JAK2: variants seen among roughly 807,000 people sequenced by gnomAD.
JAK2 encodes the protein tyrosine-protein kinase JAK2.
In JAK2, 86 loss-of-function variants were observed where a neutral mutation model predicts 139.3. The observed-to-expected ratio is 0.62, with a 90% confidence interval of 0.52 to 0.74. The LOEUF (loss-of-function observed/expected upper bound fraction) is 0.74, where lower values mean the gene tolerates loss of function less well. Ranked by LOEUF, JAK2 falls within the 30% of genes least tolerant of loss-of-function variation. JAK2 has a pLI of 0.00. For missense variants in JAK2, 1,421 were observed against 1,360.3 expected, an observed-to-expected ratio of 1.04 and a Z score of -0.70; for synonymous variants, 490 against 437.7, an observed-to-expected ratio of 1.12 and a Z score of -1.49.
At chr9:4,986,798 C>T (rs916648894) in intron 2 of JAK2, among the ~76,000 whole-genome samples, 2 of 152,060 alleles carry the variant, frequency 1.3e-5, no homozygotes, top group African/African-American at 4.8e-5. Context: ...ATTCACACAG[C>T]CACTAAGTCA....
At chr9:5,032,168 G>C (rs1823207564) in intron 4 of JAK2, among the ~76,000 whole-genome samples, 1 of 152,226 alleles carries the variant, frequency 6.6e-6, no homozygotes, top group Non-Finnish European at 1.5e-5. Context: ...AGCAGTCTGA[G>C]ATCAAACTGC....
chr9:5,061,368 C>A (rs1818158944), intron 8 of JAK2, among the ~76,000 whole-genome samples: 1 of 152,212 alleles, frequency 6.6e-6, no homozygotes, highest in African/African-American at 2.4e-5. Flanking sequence ...ATTTGAAAAT[C>A]TGTTTGTTAG....
chr9:4,999,884 C>G (rs1351437761), intron 2 of JAK2, among the ~76,000 whole-genome samples: 1 of 152,208 alleles, frequency 6.6e-6, no homozygotes, highest in Non-Finnish European at 1.5e-5. Flanking sequence ...GCTACTACTC[C>G]TGTCCTTTTT....
chr9:5,005,413 C>A (rs1433532646), intron 2 of JAK2, among the ~76,000 whole-genome samples: 1 of 151,958 alleles, frequency 6.6e-6, no homozygotes, highest in Non-Finnish European at 1.5e-5. Flanking sequence ...TATAGGTTGT[C>A]CCTTCACTCT....
chr9:5,122,029 G>C (rs1823656015), intron 22 of JAK2, among the ~76,000 whole-genome samples: 1 of 152,236 alleles, frequency 6.6e-6, no homozygotes, highest in Admixed American at 6.5e-5. Context: ...TATAGCATTA[G>C]GATGTTTAAT....
chr9:5,111,459 C>T (rs1012869696), intron 22 of JAK2: 5 of 385,554 alleles, frequency 1.3e-5, no homozygotes, highest in African/African-American at 2.1e-5. Flanking sequence ...CCATCCTCGG[C>T]GTACCTGCCC....
chr9:4,997,418 C>A (rs1372693644), intron 2 of JAK2, among the ~76,000 whole-genome samples: 1 of 152,190 alleles, frequency 6.6e-6, no homozygotes, highest in Non-Finnish European at 1.5e-5. Context: ...AGGAATATCA[C>A]ATTTCAAGAG....
intron 10 of JAK2, 22 bp from the exon 11 acceptor site, chr9:5,069,000 C>T: frequency 7.1e-7 from 1 of 1,417,756 alleles, no homozygotes; most frequent in Admixed American, 2.0e-5. Flanking sequence ...CCCTCCCTTT[C>T]TTTATAATTA....
At chr9:5,004,459 C>T (rs978115293) in intron 2 of JAK2, among the ~76,000 whole-genome samples, 27 of 152,072 alleles carry the variant, frequency 1.8e-4, no homozygotes, top group African/African-American at 6.5e-4. Context: ...TTGTAAATGA[C>T]AAGATTTTCT....
intron 7 of JAK2, among the ~76,000 whole-genome samples, chr9:5,055,428 G>A (rs985517590): frequency 1.3e-5 from 2 of 151,944 alleles, no homozygotes; most frequent in Non-Finnish European, 2.9e-5. Flanking sequence ...TTGAATTGAA[G>A]AGTGCCATAG....
chr9:5,049,800 C>T (rs1817286368), intron 5 of JAK2, among the ~76,000 whole-genome samples: 1 of 152,150 alleles, frequency 6.6e-6, no homozygotes, highest in South Asian at 2.1e-4. Flanking sequence ...CTAGTATATG[C>T]CTAGTCTGTA....
intron 5 of JAK2, among the ~76,000 whole-genome samples, chr9:5,049,075 A>G (rs1817232752): frequency 6.6e-6 from 1 of 152,198 alleles, no homozygotes; most frequent in South Asian, 2.1e-4. Context: ...GACAATATAT[A>G]GTTAATAAAG....
chr9:5,041,388 G>C (rs1483647951), intron 4 of JAK2: 3 of 629,042 alleles, frequency 4.8e-6, no homozygotes, highest in Non-Finnish European at 6.0e-6. Context: ...AAGGAGCAGA[G>C]CCACTGCAAC....
At chr9:5,115,966 T>C (rs1347770912) in intron 22 of JAK2, among the ~76,000 whole-genome samples, 1 of 152,038 alleles carries the variant, frequency 6.6e-6, no homozygotes, top group Non-Finnish European at 1.5e-5. Flanking sequence ...AGTTGATGGG[T>C]TGATGGGTGC....
At chr9:5,085,922 C>G (rs771414297) in intron 19 of JAK2, 2 of 1,059,074 alleles carry the variant, frequency 1.9e-6, no homozygotes, top group Non-Finnish European at 3.0e-6. Context: ...ACAGACCTTT[C>G]AAGTCTCTCC....
rs1276089019 is a variant in JAK2, at chr9:5,090,740, G to T, written c.2888G>T (p.Gly963Val). 5 of 1,600,266 alleles carry T rather than the reference G, an allele frequency of 3.1e-6. No individual in the cohort carries two copies. Among genetic ancestry groups the T allele is most frequent in the African/African-American group, 1.4e-5 (1 of 74,010 alleles). The change falls in exon 22 of 25, where the codon GGT becomes GTT. Residue 963 changes from glycine to valine, a missense_variant and splice_region_variant. Gly to Val is a moderately radical substitution (Grantham distance 109, BLOSUM62 -3). Coordinates refer to ENST00000381652, the MANE Select transcript of JAK2 (RefSeq NM_004972.4). Reference protein sequence around the residue: ...LLQYTSQICKGMEYLGTKRYI... With the variant: ...LLQYTSQICKVMEYLGTKRYI... ...GAAAGAAAAATGTTTTATCCATAGG[G>T]TATGGAGTATCTTGGTACAAAAAGG...
chr9:5,011,377 A>T (rs1410207606), intron 2 of JAK2, among the ~76,000 whole-genome samples: 4 of 151,952 alleles, frequency 2.6e-5, no homozygotes, highest in Non-Finnish European at 5.9e-5. Context: ...TTTTGTAGAG[A>T]TGGGGTCTTG....
rs1819440372 is a variant in JAK2, at chr9:5,078,190, A to C, written c.1993-116A>C. 1.2e-5 allele frequency: 10 copies of C among 811,132 alleles called. No homozygotes were observed. In the South Asian group the frequency reaches 2.4e-4, roughly 19 times the overall value. The allele number at this position is 811,132 out of a possible 1,614,324, so 50.2% of individuals were successfully genotyped here. On this transcript the variant is annotated intron_variant, in intron 15 of 24. Coordinates refer to ENST00000381652, the MANE Select transcript of JAK2 (RefSeq NM_004972.4). Reference sequence around the variant, plus strand: ...CTTTTTTCTCAATGCATGCCTCCAAATTATTATACTATCATGTATTTTTCT... The same window carrying C: ...CTTTTTTCTCAATGCATGCCTCCAACTTATTATACTATCATGTATTTTTCT...
chr9:5,119,205 C>A (rs936120286), intron 22 of JAK2, among the ~76,000 whole-genome samples: 6 of 152,128 alleles, frequency 3.9e-5, no homozygotes, highest in Admixed American at 3.3e-4. Context: ...TAATTTCTGG[C>A]AGAAAAACTC....
Sources: gnomAD v4.1 joint callset for allele counts (sites outside exome capture counted in the v4.1 genomes callset) on GRCh38, gnomAD v4.1.1 for gene constraint, MANE v1.5 for transcripts, NCBI Gene and HGNC (gene_info 2026-07-23, HGNC 2026-07-21) for gene names.